The following FIRRM variants were observed in gnomAD, a reference collection of about 807,000 sequenced individuals.
FIRRM encodes FIGNL1 interacting regulator of recombination and mitosis.
chr1:169,820,819 AG>A, the FIRRM span, among the ~76,000 whole-genome samples: 1 of 152,178 alleles, frequency 6.6e-6, no homozygotes, highest in African/African-American at 2.4e-5. Context: ...ATTACTGGAA[AG>A]GGGTCCTGAT....
chr1:169,793,473 T>C, the FIRRM span: 1 of 1,614,198 alleles, frequency 6.2e-7, no homozygotes, highest in Admixed American at 1.7e-5. Flanking sequence ...GGACTGTCTG[T>C]GTCTTGAGAG....
the FIRRM span, among the ~76,000 whole-genome samples, chr1:169,822,950 T>G: frequency 2.0e-5 from 3 of 152,182 alleles, no homozygotes; most frequent in African/African-American, 7.2e-5. Flanking sequence ...TTCATTCTCA[T>G]GTTAAGAATT....
At chr1:169,824,486 G>A in the FIRRM span, among the ~76,000 whole-genome samples, 7 of 152,036 alleles carry the variant, frequency 4.6e-5, no homozygotes, top group Non-Finnish European at 7.4e-5. Flanking sequence ...ATACCGTCTC[G>A]TTTCTCTGCC....
At chr1:169,821,725 G>GT in the FIRRM span, 11 of 1,610,894 alleles carry the variant, frequency 6.8e-6, no homozygotes, top group South Asian at 4.4e-5. Flanking sequence ...AAATTGTGTC[G>GT]TTTTTTTGCC....
At chr1:169,803,232 T>G in the FIRRM span, 3 of 1,614,002 alleles carry the variant, frequency 1.9e-6, no homozygotes, top group African/African-American at 4.0e-5. Context: ...CACACAGGAA[T>G]CCATCATTTT....
At chr1:169,798,969 T>G in the FIRRM span, 3 of 1,140,434 alleles carry the variant, frequency 2.6e-6, no homozygotes, top group South Asian at 4.3e-5. Flanking sequence ...GTAAGTAAAA[T>G]TGTTTTAACT....
the FIRRM span, among the ~76,000 whole-genome samples, chr1:169,805,143 C>G: frequency 0.065 from 9,867 of 152,288 alleles, 427 homozygotes; most frequent in Non-Finnish European, 0.099. Flanking sequence ...TGCAGTGTAT[C>G]AGGCACCTGT....
the FIRRM span, chr1:169,807,709 A>G: frequency 8.0e-7 from 1 of 1,250,018 alleles, no homozygotes; most frequent in Non-Finnish European, 1.1e-6. Context: ...TAAATGTTCT[A>G]CAAGGTAGAT....
At chr1:169,851,907 G>A in the FIRRM span, 1 of 1,613,958 alleles carries the variant, frequency 6.2e-7, no homozygotes, top group Non-Finnish European at 8.5e-7. Flanking sequence ...TAATGTGACT[G>A]TAGAAGAAGC....
the FIRRM span, among the ~76,000 whole-genome samples, chr1:169,810,833 A>AG: frequency 9.7e-6 from 1 of 102,808 alleles, no homozygotes; most frequent in East Asian, 3.6e-4. Flanking sequence ...TTTAGCCCCC[A>AG]ATTTTTTTTT....
At chr1:169,848,552 C>G in the FIRRM span, among the ~76,000 whole-genome samples, 5 of 152,150 alleles carry the variant, frequency 3.3e-5, no homozygotes, top group Non-Finnish European at 7.4e-5. Context: ...AATTTAATTT[C>G]TAAGGGGCTC....
chr1:169,792,522 A>T, the FIRRM span: 2 of 1,389,800 alleles, frequency 1.4e-6, no homozygotes, highest in Non-Finnish European at 1.9e-6. Flanking sequence ...GAAATCAAAC[A>T]CTCAAATTTT....
chr1:169,853,235 G>C, the FIRRM span: 14 of 472,796 alleles, frequency 3.0e-5, no homozygotes, highest in Non-Finnish European at 5.2e-5. Context: ...TAGTCTAACT[G>C]TAAACAAATA....
chr1:169,815,261 A>C, the FIRRM span, among the ~76,000 whole-genome samples: 1 of 150,788 alleles, frequency 6.6e-6, no homozygotes, highest in Non-Finnish European at 1.5e-5. Flanking sequence ...GCGCCACTGC[A>C]CTCCAGCCTG....
chr1:169,803,685 C>A, the FIRRM span, among the ~76,000 whole-genome samples: 1 of 152,140 alleles, frequency 6.6e-6, no homozygotes, highest in Non-Finnish European at 1.5e-5. Flanking sequence ...CTTATTTAGT[C>A]CATCTCTACA....
At chr1:169,838,822 T>C in the FIRRM span, among the ~76,000 whole-genome samples, 1 of 152,160 alleles carries the variant, frequency 6.6e-6, no homozygotes, top group Admixed American at 6.6e-5. Context: ...GGGATACTTG[T>C]GCAGGTTTGT....
At chr1:169,812,236 CAAAT>C in the FIRRM span, among the ~76,000 whole-genome samples, 1 of 152,164 alleles carries the variant, frequency 6.6e-6, no homozygotes, top group African/African-American at 2.4e-5. Context: ...AGTAAGCAAA[CAAAT>C]AAGTTGTGTG....
the FIRRM span, among the ~76,000 whole-genome samples, chr1:169,839,479 G>A: frequency 1.3e-5 from 2 of 152,182 alleles, no homozygotes; most frequent in East Asian, 1.9e-4. Context: ...ATAGTATCTC[G>A]TTGTGATTTT....
At chr1:169,817,362 CAAA>C in the FIRRM span, among the ~76,000 whole-genome samples, 3 of 152,160 alleles carry the variant, frequency 2.0e-5, no homozygotes, top group Admixed American at 2.0e-4. Context: ...CTGTGGATGA[CAAA>C]AAGCCTTAGG....
Sources: allele counts gnomAD v4.1 joint callset (sites outside exome capture counted in the v4.1 genomes callset), GRCh38; gene constraint gnomAD v4.1.1; transcripts MANE v1.5; gene names NCBI Gene and HGNC (gene_info 2026-07-23, HGNC 2026-07-21).